TNR: variants seen among roughly 807,000 people sequenced by gnomAD.
TNR encodes tenascin-R.
In TNR, 45 loss-of-function variants were observed where a neutral mutation model predicts 150.4. The observed-to-expected ratio is 0.30, with a 90% CI of 0.24 to 0.38. The LOEUF is 0.38. Ranked by LOEUF, TNR falls within the 10% of genes least tolerant of loss-of-function variation. The probability of loss-of-function intolerance (pLI) is 1.00; values close to 1 mark genes in which losing one functional copy is unlikely to be tolerated. For synonymous variants in TNR, 687 were observed against 678.4 expected (o/e 1.01, Z -0.20); for missense variants, 1,544 against 1,759.1 (o/e 0.88, Z 2.19).
chr1:175,486,307 G>A (rs1209986195), intron 2 of TNR, among the ~76,000 whole-genome samples: 5 of 150,686 alleles, frequency 3.3e-5, no homozygotes, highest in Non-Finnish European at 7.4e-5. Flanking sequence ...CTGTTTGTGT[G>A]ATGTTTCCCT....
rs866179050 is a variant in TNR at position 175,448,611 on chromosome 1, T to C, written c.-63-41834A>G. Reference sequence around the variant, plus strand: ...AAGGTTAATGTTCACATGTAACACATAGACACTTAGGTATGCTGGCTCAGC... The same window carrying C: ...AAGGTTAATGTTCACATGTAACACACAGACACTTAGGTATGCTGGCTCAGC... On this transcript the variant is annotated intron_variant, in intron 2 of 22. Coordinates refer to ENST00000367674, the MANE Select transcript of TNR (RefSeq NM_003285.3). Among the ~76,000 whole-genome samples the C allele has an allele frequency of 2.0e-5, 3 of 152,188 alleles. 1 individual carries two copies. Among genetic ancestry groups the C allele is most frequent in the African/African-American group, 7.2e-5 (3 of 41,456 alleles).
intron 1 of TNR, among the ~76,000 whole-genome samples, chr1:175,535,661 G>A (rs1013060777): frequency 4.6e-5 from 7 of 151,292 alleles, no homozygotes; most frequent in South Asian, 4.2e-4. Flanking sequence ...TAGTAGAGAC[G>A]GGGTCTCACT....
intron 1 of TNR, among the ~76,000 whole-genome samples, chr1:175,566,400 G>A (rs765161314): frequency 1.3e-4 from 20 of 152,208 alleles, no homozygotes; most frequent in Non-Finnish European, 2.1e-4. Context: ...CTGACAACAC[G>A]GTGTTTGAGA....
chr1:175,425,792 C>T (rs1194874240), intron 2 of TNR, among the ~76,000 whole-genome samples: 1 of 152,084 alleles, frequency 6.6e-6, no homozygotes, highest in African/African-American at 2.4e-5. Flanking sequence ...ACATAGGGTC[C>T]ATCAGGCCCT....
At chr1:175,490,197 T>C (rs1290963871) in intron 2 of TNR, among the ~76,000 whole-genome samples, 2 of 152,088 alleles carry the variant, frequency 1.3e-5, no homozygotes, top group Non-Finnish European at 2.9e-5. Context: ...CTGGATCCCT[T>C]CCTTCCACCA....
rs1649167483 is a variant in TNR, at chr1:175,323,353, C to G, written c.*4G>C. ...ATATTGGTTGGCTTGCAGCCGCCCA[C>G]TGCTCAGAACTGTAAGGACTGCCGT... On this transcript the variant is annotated 3_prime_UTR_variant, in exon 23 of 23. Coordinates refer to ENST00000367674, the MANE Select transcript of TNR (RefSeq NM_003285.3). The G allele has an allele frequency of 6.2e-7, 1 of 1,611,790 alleles. No individual in the cohort carries two copies. The highest frequency in any genetic ancestry group is 1.3e-5 in the African/African-American group (1 of 74,936).
intron 2 of TNR, among the ~76,000 whole-genome samples, chr1:175,449,915 C>T (rs1656227704): frequency 6.6e-6 from 1 of 152,202 alleles, no homozygotes; most frequent in Admixed American, 6.5e-5. Flanking sequence ...TGGACTCCAC[C>T]TGCAGCCTCT....
chr1:175,712,521 C>A (rs1331459354), intron 1 of TNR, among the ~76,000 whole-genome samples: 1 of 152,116 alleles, frequency 6.6e-6, no homozygotes, highest in East Asian at 1.9e-4. Context: ...GGCTTGGGGG[C>A]TGATAGGGTT....
intron 1 of TNR, among the ~76,000 whole-genome samples, chr1:175,554,088 C>T (rs1381611145): frequency 1.3e-5 from 2 of 152,142 alleles, no homozygotes; most frequent in African/African-American, 2.4e-5. Context: ...TTGGCATTTT[C>T]AATACTTTTC....
intron 2 of TNR, among the ~76,000 whole-genome samples, chr1:175,431,918 T>TCTCTCTCTCTCTCC (rs1362436782): frequency 6.6e-6 from 1 of 151,796 alleles, no homozygotes; most frequent in Non-Finnish European, 1.5e-5. Flanking sequence ...AATATCTCTC[T>TCTCTCTCTCTCTCC]CTCTCTCTCT....
chr1:175,425,768 G>C (rs769184039), intron 2 of TNR, among the ~76,000 whole-genome samples: 6 of 152,050 alleles, frequency 3.9e-5, no homozygotes, highest in Non-Finnish European at 8.8e-5. Flanking sequence ...CATTTCTATA[G>C]GCTGGGCCTG....
intron 13 of TNR, 126 bp from the exon 14 acceptor site, chr1:175,362,935 C>T: frequency 8.7e-7 from 1 of 1,153,290 alleles, no homozygotes; most frequent in Non-Finnish European, 1.3e-6. Context: ...AGGGATGATA[C>T]ATGGTTCATG....
intron 2 of TNR, among the ~76,000 whole-genome samples, chr1:175,419,574 C>T (rs1276070826): frequency 2.0e-5 from 3 of 152,088 alleles, no homozygotes; most frequent in East Asian, 1.9e-4. Context: ...CTCCGCCTCC[C>T]GGGTTCAAGC....
At chr1:175,423,905 G>T (rs1465830016) in intron 2 of TNR, among the ~76,000 whole-genome samples, 1 of 152,174 alleles carries the variant, frequency 6.6e-6, no homozygotes, top group Non-Finnish European at 1.5e-5. Flanking sequence ...GAGTTCCAGG[G>T]GTCTGGATGT....
chr1:175,363,974 G>T, intron 12 of TNR, 147 bp from the exon 13 acceptor site: 1 of 984,058 alleles, frequency 1.0e-6, no homozygotes, highest in Non-Finnish European at 1.4e-6. Context: ...TTAAAACCAT[G>T]GTCACGCTGA....
At chr1:175,585,099 G>A (rs1441997912) in intron 1 of TNR, among the ~76,000 whole-genome samples, 2 of 152,176 alleles carry the variant, frequency 1.3e-5, no homozygotes, top group African/African-American at 4.8e-5. Context: ...CTTAACTCAT[G>A]TCAACCCATT....
chr1:175,681,512 T>C (rs897821733), intron 1 of TNR, among the ~76,000 whole-genome samples: 9 of 152,208 alleles, frequency 5.9e-5, no homozygotes, highest in East Asian at 1.9e-4. Flanking sequence ...ACTTGCCCCA[T>C]TGATCCTTCC....
chr1:175,375,084 G>C (rs903423839), intron 9 of TNR, among the ~76,000 whole-genome samples: 1 of 151,840 alleles, frequency 6.6e-6, no homozygotes, highest in Non-Finnish European at 1.5e-5. Context: ...GATTTTTTTC[G>C]CTAAATTGCA....
intron 2 of TNR, among the ~76,000 whole-genome samples, chr1:175,519,675 T>C (rs1205644394): frequency 6.6e-6 from 1 of 152,208 alleles, no homozygotes; most frequent in Non-Finnish European, 1.5e-5. Flanking sequence ...GAAGGAGAGA[T>C]AGGTTGCTCT....
Sources: gnomAD v4.1 joint callset for allele counts (sites outside exome capture counted in the v4.1 genomes callset) on GRCh38, gnomAD v4.1.1 for gene constraint, MANE v1.5 for transcripts, NCBI Gene and HGNC (gene_info 2026-07-23, HGNC 2026-07-21) for gene names.